Variants in ANKRD18B observed in about 807,000 individuals in gnomAD.
ANKRD18B encodes the protein ankyrin repeat domain-containing protein 18B.
In ANKRD18B, 75 loss-of-function variants were observed where a neutral mutation model predicts 111.8. The observed-to-expected ratio is 0.67, with a 90% CI of 0.56 to 0.81. The LOEUF (loss-of-function observed/expected upper bound fraction) is 0.81, where lower values mean the gene tolerates loss of function less well. ANKRD18B is among the 40% of genes least tolerant of loss of function. ANKRD18B has a pLI of 0.00. For missense variants in ANKRD18B, 1,038 were observed against 1,225.5 expected (o/e 0.85, Z 2.28); for synonymous variants, 356 against 417.3 (o/e 0.85, Z 1.79).
intron 12 of ANKRD18B, 143 bp from the exon 13 acceptor site, chr9:33,555,562 TCTC>T (rs1205794593): frequency 2.0e-6 from 1 of 506,558 alleles, no homozygotes; most frequent in East Asian, 3.8e-5. Context: ...AGTTTTGAAA[TCTC>T]ATTATTGGCA....
At chr9:33,533,139 TG>T (rs1422580631) in intron 3 of ANKRD18B, among the ~76,000 whole-genome samples, 1 of 152,060 alleles carries the variant, frequency 6.6e-6, no homozygotes, top group African/African-American at 2.4e-5. Context: ...TTGGTTTCAG[TG>T]GGAAACAATG....
chr9:33,548,844 G>A lies in ANKRD18B; in HGVS notation c.2056G>A (p.Ala686Thr). Residue 686 changes from alanine (A) to threonine (T), a missense_variant, in exon 11 of 19, where the codon GCA becomes ACA. Coordinates refer to ENST00000684830, the MANE Select transcript of ANKRD18B (RefSeq NM_001393611.1). ...EKLLQYEKEKAEREVIVREFQ... is the reference protein window; with the variant it reads ...EKLLQYEKEKTEREVIVREFQ... ...ACTGCTTCAGTATGAAAAAGAAAAAGCAGAAAGAGAAGTAAGTATGAAGAA... is the reference window on the plus strand; with the variant it reads ...ACTGCTTCAGTATGAAAAAGAAAAAACAGAAAGAGAAGTAAGTATGAAGAA... 2 of 1,483,264 alleles carry A rather than the reference G, an allele frequency of 1.3e-6. No homozygotes were observed. The highest frequency in any genetic ancestry group is 1.8e-6 in the Non-Finnish European group (2 of 1,121,194). 91.9% of individuals were successfully genotyped at this position (1,483,264 alleles called of 1,614,324 possible). A position where few individuals can be genotyped will look rare whatever the true frequency, so the allele number is the denominator to read the frequency against.
At chr9:33,555,904 A>G (rs1828519163) in intron 13 of ANKRD18B, 84 bp downstream of exon 13, 5 of 895,636 alleles carry the variant, frequency 5.6e-6, no homozygotes, top group Non-Finnish European at 7.6e-6. Context: ...TTTGATACAA[A>G]TTCATTTTAT....
downstream of ANKRD18B, among the ~76,000 whole-genome samples, chr9:33,574,772 A>G (rs1025195339): frequency 6.6e-6 from 1 of 152,154 alleles, no homozygotes; most frequent in South Asian, 2.1e-4. Context: ...GCATACACAA[A>G]CACAATGCAT....
intron 13 of ANKRD18B, among the ~76,000 whole-genome samples, chr9:33,557,160 CTTCA>C (rs760751004): frequency 3.9e-5 from 6 of 152,078 alleles, no homozygotes; most frequent in African/African-American, 7.2e-5. Context: ...TAGATCTCTT[CTTCA>C]AAGTCTTTAA....
At chr9:33,552,514 G>C (rs964196515) in intron 12 of ANKRD18B, among the ~76,000 whole-genome samples, 4 of 152,300 alleles carry the variant, frequency 2.6e-5, no homozygotes, top group African/African-American at 9.6e-5. Flanking sequence ...GGCTCAGCCT[G>C]TCTCTGCTGG....
intron 4 of ANKRD18B, 189 bp downstream of exon 4, chr9:33,533,734 A>G: frequency 8.2e-7 from 1 of 1,214,050 alleles, no homozygotes; most frequent in Non-Finnish European, 1.1e-6. Flanking sequence ...AACAGTATAT[A>G]GTAGGATTCA....
chr9:33,573,625 C>T (rs7872274), downstream of ANKRD18B, among the ~76,000 whole-genome samples: 11,392 of 144,646 alleles, frequency 0.079, 1,498 homozygotes, highest in African/African-American at 0.17. Context: ...GACTCCCTCC[C>T]TGTGTCTTGG....
chr9:33,528,761 G>T lies in ANKRD18B; in HGVS notation c.241G>T (p.Val81Leu). The part of the protein sequence containing the change: ...VLHLACAHGR[V>L]QVVTLLLDRK... ...ACATTTGGCCTGTGCCCATGGCCGTGTGCAAGTGGTCACTCTCTTGCTGGA... is the reference window on the plus strand; with the variant it reads ...ACATTTGGCCTGTGCCCATGGCCGTTTGCAAGTGGTCACTCTCTTGCTGGA... Residue 81 changes from valine (V) to leucine (L), a missense_variant, in exon 2 of 19, where the codon GTG (valine) becomes TTG (leucine). By Grantham distance (32) the Val-to-Leu change is conservative (BLOSUM62 1). This residue lies in a region of ANKRD18B where 216 missense variants were observed against 205.1 expected (regional missense o/e 1.05). Coordinates refer to ENST00000684830, the MANE Select transcript of ANKRD18B (RefSeq NM_001393611.1). The T allele has an allele frequency of 6.2e-7, 1 of 1,613,296 alleles. No individual in the cohort carries two copies.
chr9:33,545,546 C>A (rs1311898322), intron 10 of ANKRD18B, among the ~76,000 whole-genome samples: 1 of 152,194 alleles, frequency 6.6e-6, no homozygotes, highest in Non-Finnish European at 1.5e-5. Flanking sequence ...AGAAGCTCTT[C>A]TAAAGCTTAG....
intron 1 of ANKRD18B, among the ~76,000 whole-genome samples, chr9:33,528,270 CA>C (rs1334102915): frequency 1.3e-5 from 2 of 152,232 alleles, no homozygotes; most frequent in Non-Finnish European, 1.5e-5. Flanking sequence ...CATTGCACTC[CA>C]GCCTGGGCAA....
At position 33,555,818 on chromosome 9, in the gene ANKRD18B, T is replaced by C. The variant is rs1587271462; in HGVS notation, c.2328T>C (p.Thr776=). 2.2e-6 allele frequency: 3 copies of C among 1,371,706 alleles called. No homozygotes were observed. Among genetic ancestry groups the C allele is most frequent in the Non-Finnish European group, 2.8e-6 (3 of 1,057,258 alleles). The allele number at this position is 1,371,706 out of a possible 1,614,324, so 85.0% of individuals were successfully genotyped here. The part of the protein sequence containing the change: ...KKNRELEEEA[T]GYKKCLEMTI... ...ATCGTGAATTAGAAGAAGAGGCAAC[T>C]GGGTATGGTTTTCATATTGTAGAAC... Residue 776 remains threonine (T), a splice_region_variant and synonymous_variant, in exon 13 of 19, where the codon ACT becomes ACC. Coordinates refer to ENST00000684830, the MANE Select transcript of ANKRD18B (RefSeq NM_001393611.1).
At chr9:33,568,210 A>G (rs1828715612) in intron 16 of ANKRD18B, among the ~76,000 whole-genome samples, 1 of 152,256 alleles carries the variant, frequency 6.6e-6, no homozygotes, top group South Asian at 2.1e-4. Context: ...TAGTTTCCTT[A>G]ATCTACATTA....
At chr9:33,559,964 C>T (rs1828581931) in intron 14 of ANKRD18B, among the ~76,000 whole-genome samples, 1 of 152,162 alleles carries the variant, frequency 6.6e-6, no homozygotes, top group Non-Finnish European at 1.5e-5. Context: ...ACTAGTTTTC[C>T]CTTCCTCCCT....
chr9:33,546,860 C>G (rs915221519), intron 10 of ANKRD18B, among the ~76,000 whole-genome samples: 1 of 152,086 alleles, frequency 6.6e-6, no homozygotes, highest in Admixed American at 6.6e-5. Flanking sequence ...CAGCTACAAA[C>G]TTCTGTGGTG....
At chr9:33,532,872 C>A (rs1343924794) in intron 3 of ANKRD18B, among the ~76,000 whole-genome samples, 1 of 152,144 alleles carries the variant, frequency 6.6e-6, no homozygotes, top group Non-Finnish European at 1.5e-5. Flanking sequence ...AGGCAAAGTT[C>A]AAGGGATTTC....
At position 33,558,090 on chromosome 9, in the gene ANKRD18B, T is replaced by C. The variant is rs747317874; in HGVS notation, c.2363T>C (p.Met788Thr). The C allele has an allele frequency of 1.9e-6, 3 of 1,609,326 alleles. No individual in the cohort carries two copies. Among genetic ancestry groups the C allele is most frequent in the South Asian group, 2.2e-5 (2 of 90,234 alleles). The change falls in exon 14 of 19, where the codon ATG becomes ACG. Residue 788 changes from methionine to threonine, a missense_variant. Around this residue, in one of 4 missense-constraint regions of ANKRD18B, gnomAD observed 524 missense variants for 677.9 expected, o/e 0.77. Coordinates refer to ENST00000684830, the MANE Select transcript of ANKRD18B (RefSeq NM_001393611.1). ...YKKCLEMTIN[M>T]LNAFANEDFS... The stretch of plus-strand genomic sequence containing the variant: ...AAATGCCTAGAAATGACAATAAATA[T>C]GTTAAATGCATTTGCAAATGAAGAC...
At chr9:33,569,480 G>T (rs1828737383) in intron 17 of ANKRD18B, among the ~76,000 whole-genome samples, 1 of 151,778 alleles carries the variant, frequency 6.6e-6, no homozygotes, top group African/African-American at 2.4e-5. Context: ...GGCCAGGCAG[G>T]TCTCGAACTG....
intron 13 of ANKRD18B, among the ~76,000 whole-genome samples, chr9:33,556,117 T>C (rs1342020802): frequency 1.3e-5 from 2 of 151,924 alleles, no homozygotes; most frequent in African/African-American, 2.4e-5. Flanking sequence ...TAGAGTCCAA[T>C]GGAAGGGGAG....
Sources: allele counts gnomAD v4.1 joint callset (sites outside exome capture counted in the v4.1 genomes callset), GRCh38; gene constraint gnomAD v4.1.1; regional missense constraint gnomAD v4.1.1; transcripts MANE v1.5; gene names NCBI Gene and HGNC (gene_info 2026-07-23, HGNC 2026-07-21).